AATF: variants seen among roughly 807,000 people sequenced by gnomAD.
The protein encoded by AATF is apoptosis antagonizing transcription factor, also known as protein AATF.
In AATF, 48 loss-of-function variants were observed where a neutral mutation model predicts 63.7. That is an observed-to-expected ratio of 0.75 (90% CI 0.60 to 0.96). The LOEUF (loss-of-function observed/expected upper bound fraction) is 0.96, where lower values mean the gene tolerates loss of function less well. AATF is among the 40% of genes least tolerant of loss of function. AATF has a pLI of 0.00. For synonymous variants in AATF, 258 were observed against 247.7 expected, an observed-to-expected ratio of 1.04 and a Z score of -0.39; for missense variants, 639 against 685.7, an observed-to-expected ratio of 0.93 and a Z score of 0.76.
intron 4 of AATF, among the ~76,000 whole-genome samples, chr17:36,963,891 G>T (rs73283961): frequency 0.038 from 5,783 of 152,184 alleles, 369 homozygotes; most frequent in African/African-American, 0.13. Flanking sequence ...AGAGAGAATG[G>T]AGTGGCTGGG....
intron 4 of AATF, among the ~76,000 whole-genome samples, chr17:36,958,590 T>A (rs1364598294): frequency 6.6e-6 from 1 of 152,238 alleles, no homozygotes; most frequent in Non-Finnish European, 1.5e-5. Flanking sequence ...CTTTTCATTA[T>A]GGGATATATC....
At chr17:36,979,191 C>T (rs2071102074) in intron 4 of AATF, among the ~76,000 whole-genome samples, 1 of 152,002 alleles carries the variant, frequency 6.6e-6, no homozygotes, top group Admixed American at 6.6e-5. Context: ...GATGCTGAGC[C>T]TGCCTCTTGA....
chr17:36,963,945 G>C (rs2070969159), intron 4 of AATF, among the ~76,000 whole-genome samples: 1 of 152,146 alleles, frequency 6.6e-6, no homozygotes, highest in Non-Finnish European at 1.5e-5. Context: ...GGGAGGCCAA[G>C]ATGGGCAGAT....
intron 4 of AATF, among the ~76,000 whole-genome samples, chr17:36,971,072 A>C (rs1453983532): frequency 6.6e-6 from 1 of 152,232 alleles, no homozygotes; most frequent in Non-Finnish European, 1.5e-5. Flanking sequence ...ACAAATTGAT[A>C]ATTGGGCCAA....
chr17:37,050,601 C>T (rs1450219821), intron 11 of AATF, among the ~76,000 whole-genome samples: 1 of 152,216 alleles, frequency 6.6e-6, no homozygotes, highest in Non-Finnish European at 1.5e-5. Context: ...TGCTGACTGA[C>T]CATATCTGGG....
chr17:36,967,490 T>TC (rs2071000002), intron 4 of AATF, among the ~76,000 whole-genome samples: 1 of 152,210 alleles, frequency 6.6e-6, no homozygotes, highest in Admixed American at 6.5e-5. Context: ...CAGTTGATGT[T>TC]CCTTAAGTCT....
intron 4 of AATF, among the ~76,000 whole-genome samples, chr17:36,962,988 G>A (rs750402957): frequency 6.6e-5 from 10 of 152,144 alleles, no homozygotes; most frequent in African/African-American, 1.2e-4. Flanking sequence ...GAGTGGTGGC[G>A]GATGCTTGTA....
chr17:37,033,981 A>ATCTC (rs2071571188), intron 11 of AATF, among the ~76,000 whole-genome samples: 1 of 152,134 alleles, frequency 6.6e-6, no homozygotes, highest in East Asian at 1.9e-4. Flanking sequence ...CAAGCAAGGG[A>ATCTC]GAAGGGGTTA....
chr17:36,959,015 G>A (rs903083441), intron 4 of AATF, among the ~76,000 whole-genome samples: 1 of 151,934 alleles, frequency 6.6e-6, no homozygotes, highest in Non-Finnish European at 1.5e-5. Flanking sequence ...GTGTGGTGGC[G>A]GGCACCTGTA....
intron 4 of AATF, among the ~76,000 whole-genome samples, chr17:36,960,463 C>G (rs371200178): frequency 3.9e-5 from 6 of 152,168 alleles, no homozygotes; most frequent in African/African-American, 1.4e-4. Flanking sequence ...GCAGTACATT[C>G]ACATAGTTCA....
intron 4 of AATF, 29 bp from the exon 5 acceptor site, chr17:36,986,588 T>C (rs1239923071): frequency 2.5e-6 from 4 of 1,568,684 alleles, no homozygotes; most frequent in Non-Finnish European, 3.5e-6. Flanking sequence ...AGATAATTAA[T>C]TGTCCTTTCT....
intron 11 of AATF, among the ~76,000 whole-genome samples, chr17:37,051,689 G>GACACACAC (rs1447795733): frequency 4.2e-5 from 5 of 118,496 alleles, no homozygotes; most frequent in African/African-American, 6.5e-5. Context: ...CAGACAGACA[G>GACACACAC]ACAGACAGAC....
chr17:37,016,919 C>T (rs2071433212), intron 8 of AATF, among the ~76,000 whole-genome samples: 1 of 152,176 alleles, frequency 6.6e-6, no homozygotes, highest in African/African-American at 2.4e-5. Flanking sequence ...GCTAGATAGA[C>T]CAATAAAACA....
At position 37,031,664 on chromosome 17, in the gene AATF, C is replaced by G. The variant is rs771095646; in HGVS notation, c.1598C>G (p.Thr533Ser). The G allele has an allele frequency of 2.5e-6, 4 of 1,614,058 alleles. No homozygotes were observed. In the East Asian group the frequency reaches 8.9e-5, roughly 36 times the overall value. The change falls in exon 11 of 12, where the codon ACT becomes AGT. Residue 533 changes from threonine to serine, a missense_variant. Transcript: ENST00000619387. ...LLSFMAPIDH[T>S]TMNDDARTEL... is the part of the protein sequence containing the mutation. Reference sequence around the variant, plus strand: ...AGTTTCATGGCACCTATTGACCATACTACAATGAATGATGATGCCAGGTGA... The same window carrying G: ...AGTTTCATGGCACCTATTGACCATAGTACAATGAATGATGATGCCAGGTGA...
intron 4 of AATF, among the ~76,000 whole-genome samples, chr17:36,985,544 T>G (rs2071162207): frequency 6.6e-6 from 1 of 151,598 alleles, no homozygotes. Context: ...GGACCAGTTT[T>G]TTTTGTTTTG....
intron 11 of AATF, chr17:37,056,293 A>G: frequency 3.0e-6 from 1 of 336,496 alleles, no homozygotes. Context: ...GCGGTCTCCT[A>G]CATCCTATTA....
intron 8 of AATF, among the ~76,000 whole-genome samples, chr17:36,996,802 A>G (rs2071258269): frequency 6.6e-6 from 1 of 152,162 alleles, no homozygotes; most frequent in Non-Finnish European, 1.5e-5. Flanking sequence ...AATTTCATCA[A>G]ACAGGAGCGT....
chr17:37,030,374 G>C (rs761533787), intron 10 of AATF, among the ~76,000 whole-genome samples: 7 of 152,078 alleles, frequency 4.6e-5, no homozygotes, highest in African/African-American at 1.4e-4. Flanking sequence ...AAAATATTAT[G>C]TATTAAATAC....
intron 9 of AATF, among the ~76,000 whole-genome samples, chr17:37,020,526 G>C (rs2071461063): frequency 6.6e-6 from 1 of 152,158 alleles, no homozygotes; most frequent in South Asian, 2.1e-4. Flanking sequence ...GATTACCAAA[G>C]GGAAAGTTAG....
Sources: gnomAD v4.1 joint callset for allele counts (sites outside exome capture counted in the v4.1 genomes callset) on GRCh38, gnomAD v4.1.1 for gene constraint, MANE v1.5 for transcripts, NCBI Gene and HGNC (gene_info 2026-07-23, HGNC 2026-07-21) for gene names.